The following KCNAB2 variants were observed in gnomAD, a reference collection of about 807,000 sequenced individuals.
KCNAB2 encodes the protein potassium voltage-gated channel subfamily A regulatory beta subunit 2.
In KCNAB2, 29 loss-of-function variants were observed where a neutral mutation model predicts 63.6. The ratio of observed to expected loss-of-function variants is 0.46; its 90% CI spans 0.34 to 0.62. The LOEUF (loss-of-function observed/expected upper bound fraction) is 0.62, where lower values mean the gene tolerates loss of function less well. Ranked by LOEUF, KCNAB2 falls within the 20% of genes least tolerant of loss-of-function variation. The pLI, the probability that KCNAB2 is intolerant of heterozygous loss-of-function variation, is 0.01. For synonymous variants in KCNAB2, 222 were observed against 224.2 expected (o/e 0.99, Z 0.09); for missense variants, 359 against 563.9 (o/e 0.64, Z 3.68).
chr1:6,045,466 C>T (rs1660838154), upstream of KCNAB2, among the ~76,000 whole-genome samples: 1 of 152,192 alleles, frequency 6.6e-6, no homozygotes, highest in African/African-American at 2.4e-5. The surrounding 1 kb of genome is among the most constrained non-coding windows in gnomAD (Gnocchi z 4.8). Context: ...TCCTGTGTCC[C>T]TGCCTGGAGT....
chr1:6,009,211 G>A (rs1658001534), intron 1 of KCNAB2, among the ~76,000 whole-genome samples: 1 of 152,226 alleles, frequency 6.6e-6, no homozygotes, highest in African/African-American at 2.4e-5. Context: ...GCTGGGCCTT[G>A]CTCTGCACCT....
At chr1:6,080,293 C>T (rs556860891) in intron 4 of KCNAB2, among the ~76,000 whole-genome samples, 60 of 152,244 alleles carry the variant, frequency 3.9e-4, no homozygotes, top group South Asian at 1.7e-3. Context: ...CCCGTCTGTC[C>T]GTGCTGGAGC....
intron 4 of KCNAB2, among the ~76,000 whole-genome samples, chr1:6,076,137 T>C (rs1326817007): frequency 1.3e-5 from 2 of 152,264 alleles, no homozygotes; most frequent in Non-Finnish European, 2.9e-5. Flanking sequence ...AGCTGTACCC[T>C]GCACTATCTG....
chr1:6,045,050 C>T (rs1202465393), upstream of KCNAB2, among the ~76,000 whole-genome samples: 4 of 152,176 alleles, frequency 2.6e-5, no homozygotes, highest in African/African-American at 9.7e-5. The surrounding 1 kb of genome is among the most constrained non-coding windows in gnomAD (Gnocchi z 4.8). Flanking sequence ...GGGGACAAAC[C>T]ATTTCAATTG....
chr1:6,041,777 T>C, upstream of KCNAB2: 1 of 1,509,554 alleles, frequency 6.6e-7, no homozygotes, highest in Non-Finnish European at 9.2e-7. Context: ...AACTGTGGAC[T>C]CTCTCTCTTC....
At chr1:5,993,141 C>T (rs1054842163) in intron 1 of KCNAB2, among the ~76,000 whole-genome samples, 1 of 151,428 alleles carries the variant, frequency 6.6e-6, no homozygotes, top group African/African-American at 2.4e-5. Context: ...TCGCCCTCCC[C>T]TTTCCTCCAT....
At chr1:6,095,264 C>T (rs916166899) in intron 11 of KCNAB2, 59 bp from the exon 12 acceptor site, 13 of 1,534,688 alleles carry the variant, frequency 8.5e-6, no homozygotes, top group African/African-American at 6.9e-5. Context: ...ATGGCTGCCC[C>T]GGCAGCCTCC....
rs987363512 is a variant in KCNAB2 at position 5,994,807 on chromosome 1, C to G, written c.-53+2019C>G. Among the ~76,000 whole-genome samples the G allele has an allele frequency of 6.6e-6, 1 of 152,134 alleles. No individual in the cohort carries two copies. The highest frequency in any genetic ancestry group is 2.4e-5 in the African/African-American group (1 of 41,426). ...GCTGGCCAGCTAGAGAAGGCTTCCT[C>G]GCTTTCATTTTTCAGTCATCTTCTA... is the stretch of plus-strand genomic sequence containing the variant. On this transcript the variant is annotated intron_variant, in intron 1 of 16. Transcript: ENST00000341524. The surrounding 1 kb of genome is among the most constrained non-coding windows in gnomAD (Gnocchi z 5.4).
intron 10 of KCNAB2, among the ~76,000 whole-genome samples, chr1:6,093,155 G>T (rs1665327652): frequency 6.6e-6 from 1 of 152,166 alleles, no homozygotes; most frequent in African/African-American, 2.4e-5. Flanking sequence ...GCATTTTCAG[G>T]ACCTCAGCTT....
chr1:6,096,336 A>G lies in KCNAB2; in HGVS notation c.949-300A>G. On this transcript the variant is annotated intron_variant, in intron 13 of 15. Coordinates refer to ENST00000378083, the MANE Select transcript of KCNAB2 (RefSeq NM_001199862.2). This position sits in a 1 kb window ranked among gnomAD's most constrained non-coding sequence, Gnocchi z 5.9. ...GAGACCCCAGGCTGCCAAGTTTCCT[A>G]AGAGAAGGAAGGCCAGCACCTCGCC... 1 of 455,700 alleles carries G rather than the reference A, an allele frequency of 2.2e-6. No individual in the cohort carries two copies. Among genetic ancestry groups the G allele is most frequent in the Middle Eastern group, 6.4e-4 (1 of 1,574 alleles). 28.2% of individuals were successfully genotyped at this position (455,700 alleles called of 1,614,324 possible).
chr1:6,041,718 A>G (rs1168288888), upstream of KCNAB2: 6 of 905,090 alleles, frequency 6.6e-6, no homozygotes, highest in Non-Finnish European at 1.1e-5. Flanking sequence ...GCCCGGGGGC[A>G]TGGGACATTG....
intron 4 of KCNAB2, among the ~76,000 whole-genome samples, chr1:6,076,835 A>T (rs771721422): frequency 2.0e-5 from 3 of 152,218 alleles, no homozygotes; most frequent in Non-Finnish European, 4.4e-5. Flanking sequence ...AAAAGTCACA[A>T]CATAAAGGCT....
At chr1:6,072,908 TC>T in intron 3 of KCNAB2, 110 bp downstream of exon 3, 2 of 980,844 alleles carry the variant, frequency 2.0e-6, no homozygotes, top group Non-Finnish European at 3.1e-6. Flanking sequence ...ACCTTGGCAC[TC>T]CCCAGGGAGT....
At chr1:6,098,404 G>A (rs893478299) in intron 15 of KCNAB2, 81 bp from the exon 16 acceptor site, 1 of 1,581,104 alleles carries the variant, frequency 6.3e-7, no homozygotes, top group Admixed American at 1.8e-5. Context: ...CGACCATCTG[G>A]AAGAGCCTGG....
At chr1:6,056,508 A>G (rs1307468312) in intron 2 of KCNAB2, among the ~76,000 whole-genome samples, 1 of 152,172 alleles carries the variant, frequency 6.6e-6, no homozygotes, top group Non-Finnish European at 1.5e-5. Flanking sequence ...GGGTTCAGAG[A>G]TGTGGCCTCA....
chr1:6,082,377 C>A, intron 5 of KCNAB2, 103 bp downstream of exon 5: 1 of 854,856 alleles, frequency 1.2e-6, no homozygotes. Context: ...CTCACAAATG[C>A]ACCTTGCACC....
chr1:6,100,018 G>C lies in KCNAB2; in HGVS notation c.*1444G>C. ...AGCCACCCCCACCCCTCGCCAGCTA[G>C]CTCCATAGGGAAGCCTGTGTCTCCT... On this transcript the variant is annotated 3_prime_UTR_variant, in exon 16 of 16. Coordinates refer to ENST00000378083, the MANE Select transcript of KCNAB2 (RefSeq NM_001199862.2). The C allele has an allele frequency of 6.5e-7, 1 of 1,533,228 alleles. No homozygotes were observed. Among genetic ancestry groups the C allele is most frequent in the African/African-American group, 1.4e-5 (1 of 72,806 alleles). The allele number at this position is 1,533,228 out of a possible 1,614,324, so 95.0% of individuals were successfully genotyped here.
intron 1 of KCNAB2, among the ~76,000 whole-genome samples, chr1:6,050,897 G>C (rs1049112448): frequency 5.9e-5 from 9 of 152,226 alleles, no homozygotes; most frequent in Admixed American, 5.2e-4. Context: ...CGTTCAACAA[G>C]CAGGGAATGT....
At chr1:6,082,011 G>A (rs1458500102) in intron 4 of KCNAB2, among the ~76,000 whole-genome samples, 184 bp from the exon 5 acceptor site, 1 of 152,162 alleles carries the variant, frequency 6.6e-6, no homozygotes, top group Non-Finnish European at 1.5e-5. Flanking sequence ...GTTTGTTACT[G>A]AGAGCTGCCT....
Sources: allele counts gnomAD v4.1 joint callset (sites outside exome capture counted in the v4.1 genomes callset), GRCh38; gene constraint gnomAD v4.1.1; non-coding constraint Gnocchi (gnomAD v3.1); transcripts MANE v1.5; gene names NCBI Gene and HGNC (gene_info 2026-07-23, HGNC 2026-07-21).